DNAJC15: variants seen among roughly 807,000 people sequenced by gnomAD.
DNAJC15 encodes dnaJ homolog subfamily C member 15.
A neutral mutation model predicts 22.4 loss-of-function variants in DNAJC15; 27 were observed. That is an observed-to-expected ratio of 1.20 (90% CI 0.89 to 1.66). The LOEUF (loss-of-function observed/expected upper bound fraction) is 1.66. Among genes scored for constraint, DNAJC15 ranks in the 40% most tolerant of loss-of-function variants. DNAJC15 has a pLI of 0.00. For synonymous variants in DNAJC15, 79 were observed against 63.2 expected, an observed-to-expected ratio of 1.25 and a Z score of -1.19; for missense variants, 208 against 187.1, an observed-to-expected ratio of 1.11 and a Z score of -0.65.
intron 4 of DNAJC15, among the ~76,000 whole-genome samples, chr13:43,082,213 C>T (rs77396173): frequency 6.6e-6 from 1 of 151,966 alleles, no homozygotes; most frequent in Non-Finnish European, 1.5e-5. Context: ...CAAAACTGCT[C>T]CATTTGCCAG....
At chr13:43,059,129 G>T (rs2040544951) in intron 1 of DNAJC15, among the ~76,000 whole-genome samples, 1 of 152,046 alleles carries the variant, frequency 6.6e-6, no homozygotes, top group Admixed American at 6.5e-5. Context: ...CTGGAAGTTA[G>T]TCCAGCTTCC....
intron 1 of DNAJC15, among the ~76,000 whole-genome samples, chr13:43,051,472 T>G (rs542561140): frequency 1.3e-5 from 2 of 152,160 alleles, no homozygotes; most frequent in South Asian, 2.1e-4. Context: ...TCAATTCTTA[T>G]GCCTTGCATC....
chr13:43,041,492 C>CT (rs1302071354), intron 1 of DNAJC15, among the ~76,000 whole-genome samples: 1 of 152,202 alleles, frequency 6.6e-6, no homozygotes, highest in Non-Finnish European at 1.5e-5. Flanking sequence ...AATCTGATCT[C>CT]TCTTTCTTTT....
intron 1 of DNAJC15, among the ~76,000 whole-genome samples, chr13:43,040,614 AAG>A (rs2040448943): frequency 6.6e-6 from 1 of 152,164 alleles, no homozygotes; most frequent in African/African-American, 2.4e-5. Flanking sequence ...TTGGAAAAGA[AAG>A]AGACACAGAG....
intron 1 of DNAJC15, among the ~76,000 whole-genome samples, chr13:43,031,057 A>AG (rs1211545680): frequency 6.6e-6 from 1 of 152,202 alleles, no homozygotes; most frequent in East Asian, 1.9e-4. Context: ...AGATGCTTAA[A>AG]GGGGGCAGTC....
At chr13:43,098,922 C>T (rs1269737339) in intron 5 of DNAJC15, among the ~76,000 whole-genome samples, 1 of 152,080 alleles carries the variant, frequency 6.6e-6, no homozygotes, top group Non-Finnish European at 1.5e-5. Context: ...TTGTCAATTT[C>T]TACAAGGAAA....
At chr13:43,079,355 C>A (rs2040650939) in intron 4 of DNAJC15, among the ~76,000 whole-genome samples, 1 of 151,962 alleles carries the variant, frequency 6.6e-6, no homozygotes, top group Admixed American at 6.6e-5. Flanking sequence ...TAATAAAGTC[C>A]TGTATTGACA....
Position 43,110,384 on chromosome 13 carries a change from T to C in DNAJC15, c.*3136T>C, listed in dbSNP as rs996617687. 1 of 152,198 alleles carries C rather than the reference T, an allele frequency of 6.6e-6. No individual in the cohort carries two copies. The highest frequency in any genetic ancestry group is 1.5e-5 in the Non-Finnish European group (1 of 68,052). The allele number at this position is 152,198 out of a possible 1,614,324, so 9.4% of individuals were successfully genotyped here. A position where few individuals can be genotyped will look rare whatever the true frequency, so the allele number is the denominator to read the frequency against. On this transcript the variant is annotated 3_prime_UTR_variant, in exon 6 of 6. Transcript: ENST00000379221. The stretch of plus-strand genomic sequence containing the variant: ...TGGCCTAAGAATTACAGAGCCTGCC[T>C]CGATTCAAAGGGAGAGGATAGAGAG...
At chr13:43,090,572 GA>G (rs920082574) in intron 5 of DNAJC15, among the ~76,000 whole-genome samples, 12 of 151,970 alleles carry the variant, frequency 7.9e-5, no homozygotes, top group Non-Finnish European at 1.6e-4. Flanking sequence ...CTCTATTCAT[GA>G]AAAAAACTAA....
intron 1 of DNAJC15, among the ~76,000 whole-genome samples, chr13:43,055,294 G>T (rs546360194): frequency 6.6e-6 from 1 of 150,468 alleles, no homozygotes; most frequent in Non-Finnish European, 1.5e-5. Context: ...CAACTAAATC[G>T]TCAGGCCCTA....
chr13:43,095,828 CTT>C (rs1008968868), intron 5 of DNAJC15, among the ~76,000 whole-genome samples: 4 of 152,022 alleles, frequency 2.6e-5, no homozygotes, highest in African/African-American at 9.7e-5. Flanking sequence ...CACTGGAAGA[CTT>C]TGATGACCTT....
intron 1 of DNAJC15, among the ~76,000 whole-genome samples, chr13:43,065,368 A>G (rs1468442558): frequency 6.6e-6 from 1 of 152,210 alleles, no homozygotes; most frequent in East Asian, 1.9e-4. Context: ...TATAGAAGAT[A>G]AATATATTAA....
intron 1 of DNAJC15, among the ~76,000 whole-genome samples, chr13:43,055,302 C>G (rs1407414493): frequency 6.6e-6 from 1 of 152,096 alleles, no homozygotes; most frequent in Non-Finnish European, 1.5e-5. Flanking sequence ...TCGTCAGGCC[C>G]TAGGAGGATA....
intron 4 of DNAJC15, 27 bp downstream of exon 4, chr13:43,078,715 T>A: frequency 6.2e-7 from 1 of 1,600,092 alleles, no homozygotes; most frequent in South Asian, 1.1e-5. Flanking sequence ...AGTATTGTTT[T>A]GTTGTGTGGC....
intron 1 of DNAJC15, among the ~76,000 whole-genome samples, chr13:43,032,762 C>G (rs2324994): frequency 0.026 from 3,917 of 152,122 alleles, 154 homozygotes; most frequent in African/African-American, 0.085. Context: ...GAGGTGGAGG[C>G]TACAGTGAAC....
chr13:43,076,891 G>C (rs79516172), intron 3 of DNAJC15, among the ~76,000 whole-genome samples: 1,734 of 152,234 alleles, frequency 0.011, 42 homozygotes, highest in South Asian at 0.11. Flanking sequence ...TAGAAACTTT[G>C]AAACCATTTT....
chr13:43,046,194 A>C (rs1193574776), intron 1 of DNAJC15, among the ~76,000 whole-genome samples: 1 of 152,138 alleles, frequency 6.6e-6, no homozygotes, highest in African/African-American at 2.4e-5. Context: ...ACCAGACATA[A>C]GGTCCTAACT....
At chr13:43,043,089 G>A (rs1034758223) in intron 1 of DNAJC15, among the ~76,000 whole-genome samples, 1 of 152,100 alleles carries the variant, frequency 6.6e-6, no homozygotes, top group Admixed American at 6.6e-5. Flanking sequence ...TCACATTTTG[G>A]TTTAAAAAAG....
intron 3 of DNAJC15, among the ~76,000 whole-genome samples, chr13:43,074,303 A>G (rs1310579103): frequency 6.6e-6 from 1 of 152,190 alleles, no homozygotes; most frequent in African/African-American, 2.4e-5. Flanking sequence ...ATGGCACTAT[A>G]GCATTTATTG....
Sources: gnomAD v4.1 joint callset for allele counts (sites outside exome capture counted in the v4.1 genomes callset) on GRCh38, gnomAD v4.1.1 for gene constraint, MANE v1.5 for transcripts, NCBI Gene and HGNC (gene_info 2026-07-23, HGNC 2026-07-21) for gene names.